MAF: variants seen among roughly 807,000 people sequenced by gnomAD.
MAF encodes the protein MAF bZIP transcription factor, also known as transcription factor Maf.
In MAF, 10 loss-of-function variants were observed where a neutral mutation model predicts 22.0. That is an observed-to-expected ratio of 0.45 (90% confidence interval 0.28 to 0.77). The LOEUF is 0.77. Among genes scored for constraint, MAF ranks in the 30% least tolerant of loss-of-function variants. The probability of loss-of-function intolerance (pLI) is 0.12; values close to 1 mark genes in which losing one functional copy is unlikely to be tolerated. For synonymous variants in MAF, 337 were observed against 255.8 expected, an observed-to-expected ratio of 1.32 and a Z score of -3.03; for missense variants, 544 against 548.4, an observed-to-expected ratio of 0.99 and a Z score of 0.08.
chr16:79,269,355 C>T, the MAF span, among the ~76,000 whole-genome samples: 4 of 152,134 alleles, frequency 2.6e-5, no homozygotes, highest in Non-Finnish European at 5.9e-5. Flanking sequence ...GGTTGCAAAT[C>T]CAGCCTGTAG....
At chr16:79,430,719 T>C in the MAF span, among the ~76,000 whole-genome samples, 2 of 152,202 alleles carry the variant, frequency 1.3e-5, no homozygotes, top group African/African-American at 4.8e-5. Flanking sequence ...GGTGCTGATT[T>C]GTGCTTCTAC....
At chr16:79,311,387 G>A in the MAF span, among the ~76,000 whole-genome samples, 5 of 151,694 alleles carry the variant, frequency 3.3e-5, no homozygotes, top group East Asian at 7.8e-4. Flanking sequence ...CCTTTTCTGC[G>A]ACCCTTTGGG....
At chr16:79,249,748 CCCTCCCTT>C in the MAF span, among the ~76,000 whole-genome samples, 3 of 151,922 alleles carry the variant, frequency 2.0e-5, no homozygotes, top group African/African-American at 7.2e-5. Context: ...CCCGCTCCCT[CCCTCCCTT>C]CCTCCCTTCC....
chr16:79,501,908 G>A, the MAF span, among the ~76,000 whole-genome samples: 5 of 152,044 alleles, frequency 3.3e-5, no homozygotes, highest in African/African-American at 1.2e-4. Context: ...TTTTTCCCCC[G>A]CCAGCGGCTT....
At chr16:79,288,175 T>G in the MAF span, among the ~76,000 whole-genome samples, 3 of 152,266 alleles carry the variant, frequency 2.0e-5, 1 homozygote, top group South Asian at 6.2e-4. Flanking sequence ...AGTGATGGAT[T>G]AATGATGCTC....
chr16:79,222,761 A>G, the MAF span, among the ~76,000 whole-genome samples: 4 of 152,202 alleles, frequency 2.6e-5, no homozygotes, highest in South Asian at 8.3e-4. Flanking sequence ...CAACAAGATC[A>G]AAAGAGACAA....
chr16:79,220,948 C>G, the MAF span, among the ~76,000 whole-genome samples: 2 of 152,202 alleles, frequency 1.3e-5, no homozygotes, highest in Non-Finnish European at 2.9e-5. Context: ...GTATGCAACT[C>G]TCTTTCCCGT....
At chr16:79,526,641 G>A in the MAF span, among the ~76,000 whole-genome samples, 3 of 151,976 alleles carry the variant, frequency 2.0e-5, no homozygotes, top group Non-Finnish European at 2.9e-5. Flanking sequence ...CAGGCTTTCC[G>A]GGGCAAAAAA....
chr16:79,466,967 C>T, the MAF span, among the ~76,000 whole-genome samples: 1 of 152,328 alleles, frequency 6.6e-6, no homozygotes, highest in Admixed American at 6.5e-5. Flanking sequence ...AGCTTGAGGC[C>T]TGCCTAATTC....
At chr16:79,433,137 C>G in the MAF span, among the ~76,000 whole-genome samples, 1 of 151,982 alleles carries the variant, frequency 6.6e-6, no homozygotes, top group African/African-American at 2.4e-5. Flanking sequence ...TGCAATAGTT[C>G]CTGAATTATG....
chr16:79,445,264 G>C, the MAF span, among the ~76,000 whole-genome samples: 33 of 151,732 alleles, frequency 2.2e-4, no homozygotes, highest in South Asian at 6.2e-4. Context: ...AGGATGGTCT[G>C]GATCTCCTGA....
chr16:79,330,209 A>C, the MAF span, among the ~76,000 whole-genome samples: 1 of 152,162 alleles, frequency 6.6e-6, no homozygotes, highest in African/African-American at 2.4e-5. Flanking sequence ...ATGGTTCAAC[A>C]TTCTTTATGC....
chr16:79,302,165 C>G, the MAF span, among the ~76,000 whole-genome samples: 2 of 152,180 alleles, frequency 1.3e-5, no homozygotes, highest in Non-Finnish European at 2.9e-5. Flanking sequence ...CTGGTAGCCA[C>G]GAGATGTGTT....
the MAF span, among the ~76,000 whole-genome samples, chr16:79,324,558 T>C: frequency 2.0e-5 from 3 of 152,250 alleles, no homozygotes; most frequent in East Asian, 5.8e-4. Flanking sequence ...AGCATTATCT[T>C]TATGTTATAC....
At chr16:79,347,132 C>T in the MAF span, among the ~76,000 whole-genome samples, 2 of 152,304 alleles carry the variant, frequency 1.3e-5, no homozygotes, top group South Asian at 4.1e-4. Context: ...GAGAAACTGG[C>T]CAGGCTATTT....
the MAF span, among the ~76,000 whole-genome samples, chr16:79,298,042 G>T: frequency 6.6e-6 from 1 of 152,246 alleles, no homozygotes; most frequent in Non-Finnish European, 1.5e-5. Flanking sequence ...AAAATGCAGG[G>T]CTACTTGTTT....
At chr16:79,486,316 A>G in the MAF span, among the ~76,000 whole-genome samples, 1,036 of 152,332 alleles carry the variant, frequency 6.8e-3, 13 homozygotes, top group African/African-American at 0.024. Flanking sequence ...CTTTTTCAAA[A>G]TGGTTATTTT....
At chr16:79,432,944 T>C in the MAF span, among the ~76,000 whole-genome samples, 26 of 152,206 alleles carry the variant, frequency 1.7e-4, no homozygotes, top group South Asian at 6.2e-4. Flanking sequence ...CCTGAGACAA[T>C]AAATTTCTAT....
At chr16:79,396,368 C>T in the MAF span, among the ~76,000 whole-genome samples, 1 of 152,166 alleles carries the variant, frequency 6.6e-6, no homozygotes, top group Non-Finnish European at 1.5e-5. Flanking sequence ...AAAGGGGATG[C>T]TCACAGCAAA....
Sources: gnomAD v4.1 joint callset for allele counts (sites outside exome capture counted in the v4.1 genomes callset) on GRCh38, gnomAD v4.1.1 for gene constraint, MANE v1.5 for transcripts, NCBI Gene and HGNC (gene_info 2026-07-23, HGNC 2026-07-21) for gene names.